Variants in WWOX observed in about 807,000 individuals in gnomAD.
WWOX encodes the protein WW domain containing oxidoreductase.
Under a neutral mutation model 46.2 loss-of-function variants are expected in WWOX, and 69 were observed. The observed-to-expected ratio is 1.49, with a 90% CI of 1.23 to 1.82. The LOEUF (loss-of-function observed/expected upper bound fraction) is 1.82, where lower values mean the gene tolerates loss of function less well. WWOX is among the 40% of genes most tolerant of loss of function. The pLI, the probability that WWOX is intolerant of heterozygous loss-of-function variation, is 0.00. For synonymous variants in WWOX, 359 were observed against 202.6 expected (o/e 1.77, Z -6.56); for missense variants, 919 against 542.6 (o/e 1.69, Z -6.89).
intron 5 of WWOX, among the ~76,000 whole-genome samples, chr16:78,188,354 G>T (rs746359357): frequency 6.6e-6 from 1 of 152,036 alleles, no homozygotes; most frequent in Non-Finnish European, 1.5e-5. Context: ...CCAATGTGGT[G>T]GTGGGTGCCT....
At chr16:79,177,218 C>G (rs1227112681) in intron 8 of WWOX, among the ~76,000 whole-genome samples, 3 of 152,168 alleles carry the variant, frequency 2.0e-5, no homozygotes, top group Admixed American at 2.0e-4. Flanking sequence ...CTGACACATG[C>G]TGGATCTTAT....
chr16:78,422,376 C>G (rs772149379), intron 6 of WWOX, among the ~76,000 whole-genome samples: 13 of 151,480 alleles, frequency 8.6e-5, no homozygotes, highest in Non-Finnish European at 1.3e-4. Flanking sequence ...GATTTGGAAA[C>G]AGAGTCTTGC....
At chr16:78,826,223 G>A (rs1219190525) in intron 8 of WWOX, among the ~76,000 whole-genome samples, 1 of 152,334 alleles carries the variant, frequency 6.6e-6, no homozygotes, top group East Asian at 1.9e-4. Flanking sequence ...GGCGTGCCCT[G>A]TAATCACAGC....
intron 5 of WWOX, among the ~76,000 whole-genome samples, chr16:78,382,426 G>T (rs1434166329): frequency 2.0e-5 from 3 of 152,194 alleles, no homozygotes; most frequent in African/African-American, 7.2e-5. Context: ...GGTGAGCTGG[G>T]CCCACTGACC....
At chr16:78,551,728 C>A (rs931262525) in intron 8 of WWOX, 3 of 151,618 alleles carry the variant, frequency 2.0e-5, no homozygotes, top group African/African-American at 7.3e-5. Context: ...TCCCATGAAG[C>A]ATCCTGAAAA....
At chr16:78,155,398 TATAAG>T (rs1489933734) in intron 4 of WWOX, among the ~76,000 whole-genome samples, 2 of 152,178 alleles carry the variant, frequency 1.3e-5, no homozygotes, top group African/African-American at 2.4e-5. Context: ...TGTAAGATAG[TATAAG>T]ATAAGTAGGT....
chr16:79,135,303 A>G (rs2049962022), intron 8 of WWOX, among the ~76,000 whole-genome samples: 1 of 152,310 alleles, frequency 6.6e-6, no homozygotes, highest in South Asian at 2.1e-4. Context: ...CTTGATTTAT[A>G]TACATTGTTC....
chr16:79,128,458 C>A (rs2049807120), intron 8 of WWOX, among the ~76,000 whole-genome samples: 1 of 151,986 alleles, frequency 6.6e-6, no homozygotes, highest in Non-Finnish European at 1.5e-5. Flanking sequence ...CATTATCATC[C>A]CCCTGTTACA....
intron 8 of WWOX, among the ~76,000 whole-genome samples, chr16:79,071,901 T>C (rs150885129): frequency 7.9e-5 from 12 of 152,290 alleles, no homozygotes; most frequent in East Asian, 7.7e-4. Flanking sequence ...GATGGTCTCA[T>C]TGGGTGGTAG....
In WWOX at chr16:78,171,845, C is replaced by T. The variant is rs559458914; in HGVS notation, c.516+7556C>T. The stretch of plus-strand genomic sequence containing the variant: ...CAATAAGCGCATGCTCACAAAGGAA[C>T]GTAAAGTTCTGAAGTTCTTCTTTGG... On this transcript the variant is annotated intron_variant, in intron 5 of 8. Coordinates refer to ENST00000566780, the MANE Select transcript of WWOX (RefSeq NM_016373.4). Among the ~76,000 whole-genome samples, 148 of 152,292 alleles carry T rather than the reference C, an allele frequency of 9.7e-4. 1 individual carries two copies. Among genetic ancestry groups the T allele is most frequent in the African/African-American group, 3.4e-3 (143 of 41,558 alleles).
intron 8 of WWOX, among the ~76,000 whole-genome samples, chr16:78,576,877 C>A (rs2044894276): frequency 6.6e-6 from 1 of 152,164 alleles, no homozygotes; most frequent in South Asian, 2.1e-4. Flanking sequence ...CTCAAGATTC[C>A]TTCTAAGGCT....
intron 8 of WWOX, among the ~76,000 whole-genome samples, chr16:78,992,118 A>G (rs1180693022): frequency 1.3e-5 from 2 of 152,166 alleles, no homozygotes; most frequent in Non-Finnish European, 2.9e-5. Flanking sequence ...AAGATGTAGC[A>G]ATGAGTGAAA....
chr16:79,158,388 A>C (rs1328191412), intron 8 of WWOX, among the ~76,000 whole-genome samples: 1 of 152,208 alleles, frequency 6.6e-6, no homozygotes, highest in Non-Finnish European at 1.5e-5. Context: ...TCAGGCTTTA[A>C]CACCATTCTG....
chr16:78,329,304 G>T (rs2080705070), intron 5 of WWOX, among the ~76,000 whole-genome samples: 1 of 152,180 alleles, frequency 6.6e-6, no homozygotes, highest in South Asian at 2.1e-4. Flanking sequence ...GTTCTCCTCT[G>T]TGGGCATTTG....
intron 8 of WWOX, among the ~76,000 whole-genome samples, chr16:78,847,194 A>T (rs2052322120): frequency 6.6e-6 from 1 of 152,208 alleles, no homozygotes; most frequent in African/African-American, 2.4e-5. Context: ...TAGAACTAAG[A>T]TCTAGGTGCT....
intron 4 of WWOX, among the ~76,000 whole-genome samples, chr16:78,143,285 G>A (rs1359285124): frequency 1.3e-5 from 2 of 152,142 alleles, no homozygotes; most frequent in African/African-American, 4.8e-5. Context: ...TTCTGAACTT[G>A]CTGTTATAAT....
intron 8 of WWOX, among the ~76,000 whole-genome samples, chr16:78,748,786 G>A (rs9934595): frequency 3.3e-5 from 5 of 152,126 alleles, no homozygotes; most frequent in East Asian, 1.9e-4. Flanking sequence ...ATCTGCATGC[G>A]TCTTGCCCTC....
At chr16:78,304,948 CT>C (rs5818125) in intron 5 of WWOX, among the ~76,000 whole-genome samples, 9,716 of 151,468 alleles carry the variant, frequency 0.064, 537 homozygotes, top group African/African-American at 0.14. Flanking sequence ...CCTTCTTCCT[CT>C]TTTTTTTTCT....
chr16:78,950,198 A>T (rs1375755518), intron 8 of WWOX, among the ~76,000 whole-genome samples: 6 of 152,302 alleles, frequency 3.9e-5, no homozygotes, highest in South Asian at 2.1e-4. Context: ...TGTCTAATCC[A>T]TCCTTTTCCA....
Sources: gnomAD v4.1 joint callset for allele counts (sites outside exome capture counted in the v4.1 genomes callset) on GRCh38, gnomAD v4.1.1 for gene constraint, MANE v1.5 for transcripts, NCBI Gene and HGNC (gene_info 2026-07-23, HGNC 2026-07-21) for gene names.